WWP2: variants seen among roughly 807,000 people sequenced by gnomAD.
WWP2 encodes WW domain containing E3 ubiquitin protein ligase 2.
WWP2 carries 57 observed loss-of-function variants against 121.0 expected under a neutral mutation model. The observed-to-expected ratio is 0.47, with a 90% CI of 0.38 to 0.59. WWP2 has a LOEUF of 0.59. Ranked by LOEUF, WWP2 falls within the 20% of genes least tolerant of loss-of-function variation. WWP2 has a pLI of 0.00. For synonymous variants in WWP2, 449 were observed against 441.3 expected (o/e 1.02, Z -0.22); for missense variants, 962 against 1,158.9 (o/e 0.83, Z 2.47).
intron 4 of WWP2, among the ~76,000 whole-genome samples, chr16:69,825,464 G>A (rs1348347715): frequency 6.6e-6 from 1 of 151,472 alleles, no homozygotes; most frequent in Non-Finnish European, 1.5e-5. Flanking sequence ...CTAAAGTGGC[G>A]ATACCATGGG....
chr16:69,820,322 A>G (rs1379827677), intron 4 of WWP2, among the ~76,000 whole-genome samples: 1 of 151,926 alleles, frequency 6.6e-6, no homozygotes, highest in Admixed American at 6.6e-5. Context: ...GCTCACTGCA[A>G]CCTCCGCCTC....
chr16:69,888,017 A>T, intron 7 of WWP2, 22 bp from the exon 8 acceptor site: 1 of 1,612,480 alleles, frequency 6.2e-7, no homozygotes, highest in East Asian at 2.2e-5. Flanking sequence ...TGATCTTTAA[A>T]GTATGATTTG....
chr16:69,848,327 G>A (rs2057125155), intron 6 of WWP2, among the ~76,000 whole-genome samples: 1 of 152,112 alleles, frequency 6.6e-6, no homozygotes, highest in Admixed American at 6.5e-5. Flanking sequence ...GCGCATGCCT[G>A]TAATCCCGGC....
intron 2 of WWP2, among the ~76,000 whole-genome samples, chr16:69,796,834 G>A (rs1182423493): frequency 6.6e-6 from 1 of 152,142 alleles, no homozygotes; most frequent in Admixed American, 6.5e-5. Context: ...TTTTTTATCT[G>A]TTGTCTTCCT....
intron 8 of WWP2, among the ~76,000 whole-genome samples, chr16:69,898,200 GT>G (rs1361107262): frequency 6.6e-6 from 1 of 151,594 alleles, no homozygotes; most frequent in Non-Finnish European, 1.5e-5. Flanking sequence ...GCTAGTTTTT[GT>G]TTTTTTAGTA....
At position 69,935,235 on chromosome 16, in the gene WWP2, G is replaced by A. The variant is rs369841334; in HGVS notation, c.1843-618G>A. ...GCTCCCCTCTTAGGAGGACCCAAGC[G>A]CCCCATGAGCCTGTGACTAAATATG... On this transcript the variant is annotated intron_variant, in intron 17 of 23. Coordinates refer to ENST00000359154, the MANE Select transcript of WWP2 (RefSeq NM_001270454.2). The surrounding 1 kb of genome is among the most constrained non-coding windows in gnomAD (Gnocchi z 5.2). Among the ~76,000 whole-genome samples the A allele has an allele frequency of 1.3e-4, 20 of 152,226 alleles. No homozygotes were observed. Among genetic ancestry groups the A allele is most frequent in the Admixed American group, 3.9e-4 (6 of 15,298 alleles).
chr16:69,849,486 C>T (rs8047388), intron 6 of WWP2, among the ~76,000 whole-genome samples: 60 of 117,250 alleles, frequency 5.1e-4, no homozygotes, highest in African/African-American at 7.2e-4. Flanking sequence ...TTTATTTATT[C>T]ATTCATTCAT....
At chr16:69,918,811 G>C (rs940448078) in intron 10 of WWP2, among the ~76,000 whole-genome samples, 6 of 151,626 alleles carry the variant, frequency 4.0e-5, no homozygotes, top group Non-Finnish European at 8.8e-5. Flanking sequence ...TTTACCTAAA[G>C]AGTAACATTT....
intron 4 of WWP2, among the ~76,000 whole-genome samples, chr16:69,810,151 C>G (rs1400580815): frequency 6.6e-6 from 1 of 152,218 alleles, no homozygotes; most frequent in Non-Finnish European, 1.5e-5. Flanking sequence ...TCATTTGCTC[C>G]CTTGTTTTCC....
intron 7 of WWP2, among the ~76,000 whole-genome samples, chr16:69,879,759 G>A (rs1044268335): frequency 6.6e-6 from 1 of 152,102 alleles, no homozygotes; most frequent in South Asian, 2.1e-4. Flanking sequence ...TGGTGATTTT[G>A]TATTTAACAT....
At chr16:69,816,906 A>T (rs962196486) in intron 4 of WWP2, among the ~76,000 whole-genome samples, 2 of 152,142 alleles carry the variant, frequency 1.3e-5, no homozygotes, top group Non-Finnish European at 1.5e-5. Flanking sequence ...AGGTGGAGAG[A>T]TGCTATGTAA....
intron 17 of WWP2, among the ~76,000 whole-genome samples, chr16:69,934,809 T>A (rs1050641899): frequency 2.0e-5 from 3 of 152,024 alleles, no homozygotes; most frequent in African/African-American, 7.2e-5. Context: ...TCTCCAGAAC[T>A]ATCTCCAGCT....
At chr16:69,784,275 T>C (rs1449724882) in intron 1 of WWP2, among the ~76,000 whole-genome samples, 1 of 151,932 alleles carries the variant, frequency 6.6e-6, no homozygotes, top group Non-Finnish European at 1.5e-5. Flanking sequence ...AATTTTTGTA[T>C]TTTTAGTAGA....
rs538897950 is a variant in WWP2, at chr16:69,798,843, C to G, written c.218+14C>G. 45 of 1,612,926 alleles carry G rather than the reference C, an allele frequency of 2.8e-5. No individual in the cohort carries two copies. Among genetic ancestry groups the G allele is most frequent in the Non-Finnish European group, 3.8e-5 (45 of 1,179,454 alleles). On this transcript the variant is annotated intron_variant, in intron 3 of 23. Transcript: ENST00000359154. Reference sequence around the variant, plus strand: ...GATCATCATTTTGTAAGAGAAAGCCCCTTCTTTTTGAACGCAGCAAGATGG... The same window carrying G: ...GATCATCATTTTGTAAGAGAAAGCCGCTTCTTTTTGAACGCAGCAAGATGG...
intron 8 of WWP2, 26 bp downstream of exon 8, chr16:69,888,275 G>T: frequency 2.5e-6 from 4 of 1,605,054 alleles, no homozygotes; most frequent in Non-Finnish European, 3.4e-6. Flanking sequence ...TCCCATAACA[G>T]ATCTCTCCTC....
At chr16:69,852,944 G>A (rs1270299042) in intron 6 of WWP2, among the ~76,000 whole-genome samples, 1 of 151,402 alleles carries the variant, frequency 6.6e-6, no homozygotes, top group Non-Finnish European at 1.5e-5. Context: ...TTTACGATTT[G>A]GCTCTTTGCA....
intron 4 of WWP2, among the ~76,000 whole-genome samples, chr16:69,821,724 C>CTTTTTTT (rs557543615): frequency 7.6e-6 from 1 of 130,796 alleles, no homozygotes; most frequent in Non-Finnish European, 1.6e-5. Flanking sequence ...TTCTTTCTTA[C>CTTTTTTT]TTTTTTTTTT....
intron 5 of WWP2, among the ~76,000 whole-genome samples, chr16:69,841,351 C>G (rs2056973926): frequency 6.6e-6 from 1 of 152,112 alleles, no homozygotes; most frequent in African/African-American, 2.4e-5. Context: ...GAAGGTTTCT[C>G]TGAGGAAGCT....
At position 69,937,430 on chromosome 16, in the gene WWP2, A is replaced by G; in HGVS notation, c.2239-118A>G. On this transcript the variant is annotated intron_variant, in intron 20 of 23. Coordinates refer to ENST00000359154, the MANE Select transcript of WWP2 (RefSeq NM_001270454.2). The surrounding 1 kb of genome is among the most constrained non-coding windows in gnomAD (Gnocchi z 6.6). The stretch of plus-strand genomic sequence containing the variant: ...AGCAGGGACTTACATTACCCATATT[A>G]TTAACGCTGACACCAAAAATAGCTA... 1 of 1,357,998 alleles carries G rather than the reference A, an allele frequency of 7.4e-7. No individual in the cohort carries two copies. Among genetic ancestry groups the G allele is most frequent in the South Asian group, 1.3e-5 (1 of 75,164 alleles). The allele number at this position is 1,357,998 out of a possible 1,614,324, so 84.1% of individuals were successfully genotyped here. A position where few individuals can be genotyped will look rare whatever the true frequency, so the allele number is the denominator to read the frequency against.
Sources: gnomAD v4.1 joint callset for allele counts (sites outside exome capture counted in the v4.1 genomes callset) on GRCh38, gnomAD v4.1.1 for gene constraint, Gnocchi (gnomAD v3.1) non-coding constraint, MANE v1.5 for transcripts, NCBI Gene and HGNC (gene_info 2026-07-23, HGNC 2026-07-21) for gene names.